Variants in MYO3B observed in about 807,000 individuals in gnomAD.
The protein encoded by MYO3B is myosin IIIB, also known as myosin-IIIb.
In MYO3B, 156 loss-of-function variants were observed where a neutral mutation model predicts 174.6. The ratio of observed to expected loss-of-function variants is 0.89; its 90% CI spans 0.78 to 1.02. The LOEUF (loss-of-function observed/expected upper bound fraction) is 1.02. Among genes scored for constraint, MYO3B ranks in the 50% least tolerant of loss-of-function variants. The pLI, the probability that MYO3B is intolerant of heterozygous loss-of-function variation, is 0.00. For missense variants in MYO3B, 1,632 were observed against 1,639.4 expected (o/e 1.00, Z 0.08); for synonymous variants, 563 against 569.1 (o/e 0.99, Z 0.15).
intron 7 of MYO3B, among the ~76,000 whole-genome samples, chr2:170,256,577 A>T (rs1158254050): frequency 6.6e-6 from 1 of 152,154 alleles, no homozygotes; most frequent in Non-Finnish European, 1.5e-5. Context: ...TTTTCCAGGT[A>T]GGTAATCATG....
intron 25 of MYO3B, among the ~76,000 whole-genome samples, chr2:170,469,414 C>T (rs1403722670): frequency 6.6e-6 from 1 of 152,180 alleles, no homozygotes; most frequent in Non-Finnish European, 1.5e-5. Flanking sequence ...CAGTCGAGCT[C>T]GCTGGATGAG....
At chr2:170,593,403 G>T (rs139855151) in intron 32 of MYO3B, among the ~76,000 whole-genome samples, 14 of 152,260 alleles carry the variant, frequency 9.2e-5, no homozygotes, top group African/African-American at 1.4e-4. Context: ...ATGCCTGGCC[G>T]CATCTCCATT....
chr2:170,529,081 T>C lies in MYO3B; in HGVS notation c.3575+9541T>C, dbSNP rs141373287. ...CACCTGATAGCTCTCTTCTTTCTTA[T>C]AAAAAGTCAATTTTTTAGTATGATA... On this transcript the variant is annotated intron_variant, in intron 30 of 34. Coordinates refer to ENST00000408978, the MANE Select transcript of MYO3B (RefSeq NM_138995.5). 9.8e-5 allele frequency among the ~76,000 whole-genome samples: 15 copies of C among 152,340 alleles called. 1 individual carries two copies. The highest frequency in any genetic ancestry group is 1.5e-4 in the Non-Finnish European group (10 of 68,034).
chr2:170,474,938 T>C (rs990986015), intron 25 of MYO3B, among the ~76,000 whole-genome samples: 1 of 152,080 alleles, frequency 6.6e-6, no homozygotes, highest in Non-Finnish European at 1.5e-5. Context: ...AATAACTGAA[T>C]GTTAACTTTG....
intron 32 of MYO3B, among the ~76,000 whole-genome samples, chr2:170,572,590 G>GGGCAA (rs1692510152): frequency 2.0e-5 from 3 of 147,930 alleles, no homozygotes; most frequent in African/African-American, 7.4e-5. Flanking sequence ...ACTCCAGCCT[G>GGGCAA]GGCAATGACC....
intron 1 of MYO3B, among the ~76,000 whole-genome samples, chr2:170,193,426 G>C (rs2092563656): frequency 6.6e-6 from 1 of 151,776 alleles, no homozygotes; most frequent in South Asian, 2.1e-4. Flanking sequence ...AAGTTTCTGA[G>C]TTATAGACTC....
At chr2:170,249,721 G>A (rs1485639459) in intron 7 of MYO3B, among the ~76,000 whole-genome samples, 2 of 152,156 alleles carry the variant, frequency 1.3e-5, no homozygotes, top group Non-Finnish European at 1.5e-5. Flanking sequence ...CAGCTCCACA[G>A]CAAAAAGGCT....
intron 32 of MYO3B, among the ~76,000 whole-genome samples, chr2:170,600,012 T>C (rs113090129): frequency 1.4e-4 from 21 of 152,306 alleles, no homozygotes; most frequent in African/African-American, 5.1e-4. Context: ...TTCCTGGAGA[T>C]CTTGCCTTGC....
intron 1 of MYO3B, among the ~76,000 whole-genome samples, chr2:170,186,731 A>T (rs1257259974): frequency 6.6e-6 from 1 of 152,202 alleles, no homozygotes; most frequent in Admixed American, 6.5e-5. Flanking sequence ...AGTAAAATTC[A>T]GCAGTGAAGC....
chr2:170,214,850 T>C, intron 5 of MYO3B, 22 bp downstream of exon 5: 1 of 1,580,910 alleles, frequency 6.3e-7, no homozygotes, highest in Non-Finnish European at 8.7e-7. Context: ...TTGTCGTTTG[T>C]TTTCTTGACG....
chr2:170,569,123 T>TTTG (rs1553524849), intron 32 of MYO3B, among the ~76,000 whole-genome samples: 23 of 151,574 alleles, frequency 1.5e-4, no homozygotes, highest in Non-Finnish European at 2.5e-4. Flanking sequence ...AACGTTTTTC[T>TTTG]TTTATTAACC....
intron 32 of MYO3B, among the ~76,000 whole-genome samples, chr2:170,546,225 G>C: frequency 6.6e-6 from 1 of 152,000 alleles, no homozygotes; most frequent in Admixed American, 6.6e-5. Flanking sequence ...ATCACATCCT[G>C]CTTTGTGTTA....
intron 8 of MYO3B, among the ~76,000 whole-genome samples, chr2:170,347,339 C>A (rs1180752461): frequency 6.6e-6 from 1 of 152,156 alleles, no homozygotes; most frequent in African/African-American, 2.4e-5. Flanking sequence ...GTGTGGATCA[C>A]ATCTGTAATC....
intron 7 of MYO3B, among the ~76,000 whole-genome samples, chr2:170,249,091 C>T (rs2093223618): frequency 6.6e-6 from 1 of 152,206 alleles, no homozygotes; most frequent in Non-Finnish European, 1.5e-5. Context: ...GCTATTCATT[C>T]TGGTAACTCC....
chr2:170,262,355 A>G (rs970609012), intron 7 of MYO3B, among the ~76,000 whole-genome samples: 27 of 152,204 alleles, frequency 1.8e-4, no homozygotes, highest in Admixed American at 1.6e-3. Context: ...CTTGGTAGCC[A>G]TGCAGAGCCA....
chr2:170,390,007 T>C lies in MYO3B; in HGVS notation c.1578-1513T>C, dbSNP rs368946540. Among the ~76,000 whole-genome samples, 147 of 139,820 alleles carry C rather than the reference T, an allele frequency of 1.1e-3. 2 individuals are homozygous for C. The highest frequency in any genetic ancestry group is 3.8e-3 in the Middle Eastern group (1 of 264). 91.7% of individuals were successfully genotyped at this position (139,820 alleles called of 152,430 possible). On this transcript the variant is annotated intron_variant, in intron 14 of 34. Transcript: ENST00000408978. ...GAACATGAATCCCTTTAGTCCTGTA[T>C]CCCTGGCACCTGGTATAGTGCCTAC...
Position 170,407,765 on chromosome 2 carries a change from T to G in MYO3B, c.2571T>G (p.Pro857=). ...GVLEKNRDTL[P]ADVVVVLRTS... Reference sequence around the variant, plus strand: ...TTGAGAAAAATAGAGACACTCTCCCTGCCGATGTGGTTGTGGTCCTGAGAA... The same window carrying G: ...TTGAGAAAAATAGAGACACTCTCCCGGCCGATGTGGTTGTGGTCCTGAGAA... The change falls in exon 22 of 35, where the codon CCT becomes CCG. Residue 857 remains proline, a synonymous_variant. Coordinates refer to ENST00000408978, the MANE Select transcript of MYO3B (RefSeq NM_138995.5). The G allele has an allele frequency of 1.9e-6, 3 of 1,614,134 alleles. No individual in the cohort carries two copies. The highest frequency in any genetic ancestry group is 1.7e-6 in the Non-Finnish European group (2 of 1,179,978).
intron 32 of MYO3B, among the ~76,000 whole-genome samples, chr2:170,576,860 C>T (rs1490020257): frequency 2.0e-5 from 3 of 152,100 alleles, no homozygotes; most frequent in African/African-American, 4.8e-5. Context: ...GAATCACCAG[C>T]GGTTCTGCAG....
intron 30 of MYO3B, among the ~76,000 whole-genome samples, chr2:170,525,852 C>T (rs79462947): frequency 0.025 from 3,806 of 152,238 alleles, 66 homozygotes; most frequent in Non-Finnish European, 0.037. Context: ...CATATCTTGA[C>T]GAACATTGTG....
Sources: allele counts gnomAD v4.1 joint callset (sites outside exome capture counted in the v4.1 genomes callset), GRCh38; gene constraint gnomAD v4.1.1; transcripts MANE v1.5; gene names NCBI Gene and HGNC (gene_info 2026-07-23, HGNC 2026-07-21).